KPNA1: variants seen among roughly 807,000 people sequenced by gnomAD.
KPNA1 encodes importin subunit alpha-5.
A neutral mutation model predicts 70.5 loss-of-function variants in KPNA1; 10 were observed. The ratio of observed to expected loss-of-function variants is 0.14; its 90% CI spans 0.09 to 0.24. The LOEUF (loss-of-function observed/expected upper bound fraction) is 0.24. KPNA1 is among the 10% of genes least tolerant of loss of function. KPNA1 has a pLI of 1.00. For synonymous variants in KPNA1, 192 were observed against 221.9 expected, an observed-to-expected ratio of 0.87 and a Z score of 1.20; for missense variants, 397 against 637.9, an observed-to-expected ratio of 0.62 and a Z score of 4.07.
At chr3:122,435,394 G>C (rs1040534091) in intron 11 of KPNA1, among the ~76,000 whole-genome samples, 1 of 152,008 alleles carries the variant, frequency 6.6e-6, no homozygotes, top group Non-Finnish European at 1.5e-5. Context: ...AAAGACAAAA[G>C]TAAAAACCAA....
intron 2 of KPNA1, among the ~76,000 whole-genome samples, chr3:122,478,957 C>T (rs910892067): frequency 1.8e-4 from 23 of 130,880 alleles, no homozygotes; most frequent in African/African-American, 6.2e-4. Context: ...ACAGGGGAAA[C>T]GCTAGAGTTC....
chr3:122,492,378 T>C (rs2076710478), intron 2 of KPNA1, among the ~76,000 whole-genome samples: 1 of 152,142 alleles, frequency 6.6e-6, no homozygotes, highest in South Asian at 2.1e-4. Context: ...TGGTATAAAA[T>C]AGAAACATGG....
At chr3:122,469,227 A>G (rs942307111) in intron 2 of KPNA1, among the ~76,000 whole-genome samples, 3 of 152,128 alleles carry the variant, frequency 2.0e-5, no homozygotes, top group Admixed American at 1.3e-4. Flanking sequence ...AGTTTTGCCT[A>G]GGCCTTTCCT....
chr3:122,496,841 C>CCA (rs1216596205), intron 1 of KPNA1, among the ~76,000 whole-genome samples: 2 of 152,228 alleles, frequency 1.3e-5, no homozygotes, highest in South Asian at 4.1e-4. Context: ...GTAGCTGGGA[C>CCA]CACAGGTGCA....
At chr3:122,449,402 C>T (rs1052901745) in intron 9 of KPNA1, among the ~76,000 whole-genome samples, 172 bp downstream of exon 9, 16 of 151,884 alleles carry the variant, frequency 1.1e-4, no homozygotes, top group Admixed American at 2.0e-4. Context: ...CTATAAGCCT[C>T]AATAAAACAA....
chr3:122,496,787 T>A (rs2076766680), intron 1 of KPNA1: 2 of 362,478 alleles, frequency 5.5e-6, no homozygotes, highest in South Asian at 4.8e-5. Context: ...CACTGTAGCC[T>A]CAAATTCCTG....
At position 122,425,684 on chromosome 3, in the gene KPNA1, G is replaced by A. The variant is rs1380143413; in HGVS notation, c.*1301C>T. On this transcript the variant is annotated 3_prime_UTR_variant, in exon 14 of 14. Transcript: ENST00000344337. ...GTACAGATTGCAGTCATCATTAAAT[G>A]AGCCAGAAGGCAGATACTGTTTTTA... is the stretch of plus-strand genomic sequence containing the variant. 1.3e-5 allele frequency: 2 copies of A among 152,670 alleles called. No homozygotes were observed. Among genetic ancestry groups the A allele is most frequent in the African/African-American group, 4.8e-5 (2 of 41,440 alleles). The allele number at this position is 152,670 out of a possible 1,614,324, so 9.5% of individuals were successfully genotyped here. A position where few individuals can be genotyped will look rare whatever the true frequency, so the allele number is the denominator to read the frequency against.
chr3:122,475,891 C>G (rs1264937090), intron 2 of KPNA1, among the ~76,000 whole-genome samples: 1 of 152,048 alleles, frequency 6.6e-6, no homozygotes, highest in Non-Finnish European at 1.5e-5. Flanking sequence ...ATCATAAGGG[C>G]CTTCATCTTC....
At chr3:122,441,860 C>CA (rs2076067464) in intron 10 of KPNA1, among the ~76,000 whole-genome samples, 178 bp downstream of exon 10, 1 of 152,312 alleles carries the variant, frequency 6.6e-6, no homozygotes, top group East Asian at 1.9e-4. Flanking sequence ...CTCAGTCTCC[C>CA]AAAGTGCTGG....
rs144118691 is a variant in KPNA1 at position 122,476,861 on chromosome 3, CAAAAAAAA to C, written c.130-9440_130-9433del. ...TATGAAAAACAGTATGGAGGTTCCA[CAAAAAAAA>C]AAAAAAAAAAAAAAACTAAAAAAAG... On this transcript the variant is annotated intron_variant, in intron 2 of 13. Coordinates refer to ENST00000344337, the MANE Select transcript of KPNA1 (RefSeq NM_002264.4). Among the ~76,000 whole-genome samples, 54 of 65,504 alleles carry C rather than the reference CAAAAAAAA, an allele frequency of 8.2e-4. 1 individual carries two copies. The highest frequency in any genetic ancestry group is 0.022 in the Middle Eastern group (2 of 90). 43.0% of individuals were successfully genotyped at this position (65,504 alleles called of 152,430 possible). A position where few individuals can be genotyped will look rare whatever the true frequency, so the allele number is the denominator to read the frequency against.
At chr3:122,512,318 A>T (rs1334145548) in intron 1 of KPNA1, among the ~76,000 whole-genome samples, 2 of 152,218 alleles carry the variant, frequency 1.3e-5, no homozygotes, top group African/African-American at 4.8e-5. Context: ...ATTAGATATT[A>T]ATGAAGAAAA....
chr3:122,481,949 TCTC>T (rs1186604896), intron 2 of KPNA1, among the ~76,000 whole-genome samples: 1 of 152,184 alleles, frequency 6.6e-6, no homozygotes, highest in Non-Finnish European at 1.5e-5. Flanking sequence ...TTAAAGAAAC[TCTC>T]CTAAAAAAGT....
In KPNA1 at chr3:122,424,355, C is replaced by A. The variant is rs1387226935; in HGVS notation, c.*2630G>T. 2 of 152,124 alleles carry A rather than the reference C, an allele frequency of 1.3e-5. No homozygotes were observed. The highest frequency in any genetic ancestry group is 2.9e-5 in the Non-Finnish European group (2 of 68,018). The allele number at this position is 152,124 out of a possible 1,614,324, so 9.4% of individuals were successfully genotyped here. On this transcript the variant is annotated 3_prime_UTR_variant, in exon 14 of 14. Transcript: ENST00000344337. ...GAACTAAAAACAGGATATACAGTTA[C>A]CCCTTAAAATGTCATTTCTGTTACC...
At chr3:122,478,503 C>CAGATCACA (rs111327385) in intron 2 of KPNA1, among the ~76,000 whole-genome samples, 76,620 of 151,014 alleles carry the variant, frequency 0.51, 19,869 homozygotes, top group East Asian at 0.64. Context: ...CTGAGGTGGG[C>CAGATCACA]AGGTCAGGAG....
intron 6 of KPNA1, among the ~76,000 whole-genome samples, chr3:122,453,069 C>T (rs2076229303): frequency 3.3e-5 from 5 of 152,122 alleles, no homozygotes; most frequent in Admixed American, 3.3e-4. Flanking sequence ...CCACCTCAGC[C>T]TCTCAAGCAG....
chr3:122,440,522 A>T (rs930570041), intron 10 of KPNA1, among the ~76,000 whole-genome samples: 3 of 152,178 alleles, frequency 2.0e-5, no homozygotes, highest in African/African-American at 7.2e-5. Context: ...AAAGATACTG[A>T]TAGGGTTCAA....
intron 2 of KPNA1, among the ~76,000 whole-genome samples, chr3:122,480,671 T>TA (rs956112094): frequency 4.8e-4 from 69 of 145,034 alleles, no homozygotes; most frequent in Admixed American, 6.2e-4. Context: ...TTTTCTCATT[T>TA]AAAAAAAAAA....
intron 8 of KPNA1, among the ~76,000 whole-genome samples, chr3:122,450,878 A>G (rs976100555): frequency 2.6e-5 from 4 of 152,202 alleles, no homozygotes; most frequent in African/African-American, 9.6e-5. Context: ...CAACAAGTAG[A>G]TAAAGTCACT....
At chr3:122,502,962 G>A (rs2076846403) in intron 1 of KPNA1, among the ~76,000 whole-genome samples, 2 of 152,050 alleles carry the variant, frequency 1.3e-5, no homozygotes, top group African/African-American at 4.8e-5. Flanking sequence ...GACAGGCATG[G>A]TGGCAGGCAC....
Sources: allele counts gnomAD v4.1 joint callset (sites outside exome capture counted in the v4.1 genomes callset), GRCh38; gene constraint gnomAD v4.1.1; transcripts MANE v1.5; gene names NCBI Gene and HGNC (gene_info 2026-07-23, HGNC 2026-07-21).